MACO1: variants seen among roughly 807,000 people sequenced by gnomAD.
The protein encoded by MACO1 is macoilin.
Under a neutral mutation model 78.7 loss-of-function variants are expected in MACO1, and 14 were observed. The ratio of observed to expected loss-of-function variants is 0.18; its 90% CI spans 0.12 to 0.28. The LOEUF (loss-of-function observed/expected upper bound fraction) is 0.28, where lower values mean the gene tolerates loss of function less well. Ranked by LOEUF, MACO1 falls within the 10% of genes least tolerant of loss-of-function variation. The pLI is 1.00. For missense variants in MACO1, 501 were observed against 799.0 expected, an observed-to-expected ratio of 0.63 and a Z score of 4.50; for synonymous variants, 288 against 291.6, an observed-to-expected ratio of 0.99 and a Z score of 0.12.
At chr1:25,486,479 G>A (rs543282142) in intron 8 of MACO1, among the ~76,000 whole-genome samples, 131 of 151,544 alleles carry the variant, frequency 8.6e-4, no homozygotes, top group African/African-American at 2.9e-3. Context: ...TTGTTTTCTT[G>A]ACTAGTGAAG....
intron 6 of MACO1, among the ~76,000 whole-genome samples, chr1:25,460,540 G>A (rs2043161926): frequency 6.6e-6 from 1 of 152,010 alleles, no homozygotes; most frequent in Non-Finnish European, 1.5e-5. Context: ...GTGTAGCTGG[G>A]ACTACAGGCG....
intron 10 of MACO1, among the ~76,000 whole-genome samples, chr1:25,497,908 C>T (rs192737200): frequency 8.5e-5 from 13 of 152,318 alleles, no homozygotes; most frequent in African/African-American, 3.1e-4. Flanking sequence ...TTACATCAAC[C>T]ACACCTATAT....
chr1:25,442,835 T>C (rs1036240077), intron 1 of MACO1, among the ~76,000 whole-genome samples: 1 of 152,218 alleles, frequency 6.6e-6, no homozygotes, highest in African/African-American at 2.4e-5. Context: ...GAAGATGTTA[T>C]TCATTTGCCC....
At chr1:25,491,911 A>T (rs1024242181) in intron 10 of MACO1, among the ~76,000 whole-genome samples, 1 of 152,228 alleles carries the variant, frequency 6.6e-6, no homozygotes, top group African/African-American at 2.4e-5. Context: ...CTGAGGGAAC[A>T]TAGAAAGAGT....
intron 6 of MACO1, among the ~76,000 whole-genome samples, chr1:25,471,047 A>G (rs979224742): frequency 6.6e-6 from 1 of 150,606 alleles, no homozygotes; most frequent in African/African-American, 2.5e-5. Flanking sequence ...TTAAAAATAT[A>G]TATGGGTAGG....
At chr1:25,479,732 T>C (rs1329515763) in intron 6 of MACO1, among the ~76,000 whole-genome samples, 1 of 152,166 alleles carries the variant, frequency 6.6e-6, no homozygotes, top group African/African-American at 2.4e-5. Flanking sequence ...TCAAAACTCA[T>C]GACATACATT....
intron 2 of MACO1, 61 bp from the exon 3 acceptor site, chr1:25,448,747 T>C: frequency 7.1e-7 from 1 of 1,400,848 alleles, no homozygotes; most frequent in Middle Eastern, 1.9e-4. Context: ...TTTAACAATG[T>C]GTGGTTGAAA....
intron 2 of MACO1, among the ~76,000 whole-genome samples, chr1:25,448,457 C>A (rs1486146308): frequency 2.0e-5 from 3 of 151,880 alleles, no homozygotes; most frequent in African/African-American, 7.3e-5. Flanking sequence ...GAGCGAGACT[C>A]CATCTCAAAA....
At chr1:25,432,567 A>C (rs982497589) in intron 1 of MACO1, among the ~76,000 whole-genome samples, 2 of 152,246 alleles carry the variant, frequency 1.3e-5, no homozygotes, top group African/African-American at 4.8e-5. Flanking sequence ...TTGAACTGTG[A>C]AAGCAAACAA....
intron 10 of MACO1, among the ~76,000 whole-genome samples, chr1:25,493,924 G>A (rs551701194): frequency 6.6e-6 from 1 of 151,724 alleles, no homozygotes; most frequent in East Asian, 2.0e-4. Context: ...GTAGAGATGG[G>A]GTTTCACCGT....
At chr1:25,455,866 G>A (rs2043114814) in intron 4 of MACO1, among the ~76,000 whole-genome samples, 2 of 152,026 alleles carry the variant, frequency 1.3e-5, no homozygotes, top group South Asian at 4.1e-4. Flanking sequence ...ATTTGACCCT[G>A]CCTTCTAGTA....
chr1:25,456,538 C>A, intron 4 of MACO1, 115 bp from the exon 5 acceptor site: 1 of 1,062,942 alleles, frequency 9.4e-7, no homozygotes, highest in Non-Finnish European at 1.4e-6. Flanking sequence ...TTCTCAACTA[C>A]CATCATCAAT....
At chr1:25,461,384 T>C (rs770747979) in intron 6 of MACO1, among the ~76,000 whole-genome samples, 23 of 152,104 alleles carry the variant, frequency 1.5e-4, no homozygotes, top group Non-Finnish European at 3.4e-4. Context: ...AAATAAAGAA[T>C]ACTATGCAAA....
At chr1:25,482,640 C>T (rs1295722237) in intron 6 of MACO1, among the ~76,000 whole-genome samples, 1 of 152,246 alleles carries the variant, frequency 6.6e-6, no homozygotes, top group Non-Finnish European at 1.5e-5. Flanking sequence ...TCCCAGTCTT[C>T]TCTCCTCAGA....
intron 3 of MACO1, among the ~76,000 whole-genome samples, chr1:25,452,805 C>G (rs1379782907): frequency 2.0e-5 from 3 of 149,148 alleles, no homozygotes; most frequent in African/African-American, 7.4e-5. Context: ...CAAGCAATTC[C>G]CTTGCCTCAG....
At chr1:25,443,174 T>C (rs1212283489) in intron 1 of MACO1, among the ~76,000 whole-genome samples, 2 of 152,232 alleles carry the variant, frequency 1.3e-5, no homozygotes, top group Non-Finnish European at 2.9e-5. Flanking sequence ...GGGCTTTTAC[T>C]GTGATGAGCA....
At chr1:25,497,712 G>A (rs1248459093) in intron 10 of MACO1, among the ~76,000 whole-genome samples, 2 of 152,178 alleles carry the variant, frequency 1.3e-5, no homozygotes, top group African/African-American at 2.4e-5. Flanking sequence ...TGGCAGAAGC[G>A]TATTACTGTG....
At chr1:25,454,147 T>G in intron 3 of MACO1, 112 bp from the exon 4 acceptor site, 1 of 1,241,346 alleles carries the variant, frequency 8.1e-7, no homozygotes. Context: ...TTAATTTAGT[T>G]TAGGTGAAGG....
At chr1:25,498,173 C>A in intron 10 of MACO1, 91 bp from the exon 11 acceptor site, 1 of 1,343,100 alleles carries the variant, frequency 7.4e-7, no homozygotes. Flanking sequence ...GCTGTTCACA[C>A]TGAACCGAAT....
Sources: allele counts gnomAD v4.1 joint callset (sites outside exome capture counted in the v4.1 genomes callset), GRCh38; gene constraint gnomAD v4.1.1; transcripts MANE v1.5; gene names NCBI Gene and HGNC (gene_info 2026-07-23, HGNC 2026-07-21).